Variants in SEPTIN7 observed in about 807,000 individuals in gnomAD.
The protein encoded by SEPTIN7 is septin-7.
SEPTIN7 carries 10 observed loss-of-function variants against 63.3 expected under a neutral mutation model. The observed-to-expected ratio is 0.16, with a 90% confidence interval of 0.10 to 0.27. SEPTIN7 has a LOEUF of 0.27. SEPTIN7 is among the 10% of genes least tolerant of loss of function. The pLI is 1.00. For synonymous variants in SEPTIN7, 131 were observed against 165.3 expected, an observed-to-expected ratio of 0.79 and a Z score of 1.59; for missense variants, 310 against 521.0, an observed-to-expected ratio of 0.59 and a Z score of 3.94.
chr7:35,829,877 G>T (rs993086260), intron 1 of SEPTIN7, among the ~76,000 whole-genome samples: 1 of 152,014 alleles, frequency 6.6e-6, no homozygotes, highest in Non-Finnish European at 1.5e-5. Flanking sequence ...CTTTTTGAAG[G>T]TGACATTTGA....
chr7:35,914,088 G>A, the SEPTIN7 span, among the ~76,000 whole-genome samples: 13 of 152,250 alleles, frequency 8.5e-5, no homozygotes, highest in Non-Finnish European at 1.2e-4. Context: ...AAGGAAATAC[G>A]TCTAAGCATA....
chr7:35,909,557 A>G (rs1035987040), downstream of SEPTIN7, among the ~76,000 whole-genome samples: 8 of 152,214 alleles, frequency 5.3e-5, no homozygotes, highest in African/African-American at 1.9e-4. Flanking sequence ...ACTGGGAAAA[A>G]TACCTGCCTA....
At chr7:35,813,147 C>A (rs1310704943) in intron 1 of SEPTIN7, among the ~76,000 whole-genome samples, 3 of 152,172 alleles carry the variant, frequency 2.0e-5, no homozygotes, top group Admixed American at 6.5e-5. Flanking sequence ...ATATCCTCAT[C>A]AAGATGTTAT....
At chr7:35,855,753 G>T (rs1785172436) in intron 3 of SEPTIN7, among the ~76,000 whole-genome samples, 1 of 152,108 alleles carries the variant, frequency 6.6e-6, no homozygotes. Flanking sequence ...TTATTTTTCT[G>T]TGTAGCCTTA....
chr7:35,880,582 A>G (rs1201244465), intron 7 of SEPTIN7, among the ~76,000 whole-genome samples: 1 of 151,836 alleles, frequency 6.6e-6, no homozygotes, highest in East Asian at 1.9e-4. Flanking sequence ...TATTACCCGT[A>G]TTTATTGATA....
At chr7:35,841,785 T>C (rs1784418138) in intron 3 of SEPTIN7, among the ~76,000 whole-genome samples, 3 of 152,190 alleles carry the variant, frequency 2.0e-5, no homozygotes, top group Non-Finnish European at 4.4e-5. Context: ...AGAAATGTAA[T>C]TCTCACATAG....
At chr7:35,852,156 A>G (rs1784996581) in intron 3 of SEPTIN7, among the ~76,000 whole-genome samples, 2 of 152,208 alleles carry the variant, frequency 1.3e-5, no homozygotes, top group African/African-American at 4.8e-5. Flanking sequence ...GTGCCAAGGT[A>G]TGATTCTAAT....
At chr7:35,880,445 A>C (rs1466106722) in intron 7 of SEPTIN7, among the ~76,000 whole-genome samples, 1 of 151,808 alleles carries the variant, frequency 6.6e-6, no homozygotes, top group Non-Finnish European at 1.5e-5. Context: ...AGTGGTAACC[A>C]ATCATTTCTT....
chr7:35,866,206 C>A (rs1321816801), intron 4 of SEPTIN7, among the ~76,000 whole-genome samples: 1 of 152,192 alleles, frequency 6.6e-6, no homozygotes, highest in Admixed American at 6.5e-5. Context: ...ATCATCTAAA[C>A]TCTTTTGCCC....
At chr7:35,845,547 G>T (rs536933211) in intron 3 of SEPTIN7, among the ~76,000 whole-genome samples, 1 of 152,142 alleles carries the variant, frequency 6.6e-6, no homozygotes, top group Non-Finnish European at 1.5e-5. Context: ...AAAGATGGTT[G>T]AGAATTTATT....
intron 10 of SEPTIN7, among the ~76,000 whole-genome samples, chr7:35,886,604 C>T (rs1234048532): frequency 1.1e-4 from 16 of 152,266 alleles, no homozygotes; most frequent in Admixed American, 2.6e-4. Context: ...TACCTGACTC[C>T]GCATTTCCCA....
intron 3 of SEPTIN7, among the ~76,000 whole-genome samples, chr7:35,844,209 T>C (rs1229393166): frequency 1.3e-5 from 2 of 152,224 alleles, no homozygotes; most frequent in Non-Finnish European, 2.9e-5. Flanking sequence ...TAATTACATT[T>C]AGTTGAATAA....
downstream of SEPTIN7, among the ~76,000 whole-genome samples, chr7:35,908,105 G>C (rs1032738886): frequency 1.3e-5 from 2 of 152,154 alleles, no homozygotes; most frequent in Non-Finnish European, 1.5e-5. Flanking sequence ...GGTCAAAAGA[G>C]GAAAGGTGTT....
At chr7:35,802,201 C>A (rs564527772) in intron 1 of SEPTIN7, 11 of 284,498 alleles carry the variant, frequency 3.9e-5, no homozygotes, top group South Asian at 3.0e-4. Flanking sequence ...TTTCCTCCCC[C>A]ACATGTTGGA....
intron 2 of SEPTIN7, chr7:35,831,855 T>G (rs908564064): frequency 3.5e-6 from 1 of 285,866 alleles, no homozygotes; most frequent in Non-Finnish European, 6.8e-6. Context: ...GAATTGATGT[T>G]TTGATCCCAT....
chr7:35,835,666 A>G (rs530638222), intron 3 of SEPTIN7, among the ~76,000 whole-genome samples: 2 of 152,304 alleles, frequency 1.3e-5, no homozygotes, highest in African/African-American at 2.4e-5. Context: ...AGAGAGAATG[A>G]ATGAGAATGA....
At chr7:35,902,560 T>C (rs1381639683) in intron 12 of SEPTIN7, 1 of 152,262 alleles carries the variant, frequency 6.6e-6, no homozygotes, top group African/African-American at 2.4e-5. Flanking sequence ...AGTACTTTGC[T>C]GGCATCTTTG....
At chr7:35,886,823 G>A (rs77603244) in intron 10 of SEPTIN7, among the ~76,000 whole-genome samples, 1 of 152,220 alleles carries the variant, frequency 6.6e-6, no homozygotes. Flanking sequence ...CATTCTCAAG[G>A]TGAGAAGTGA....
intron 11 of SEPTIN7, 65 bp downstream of exon 11, chr7:35,890,858 T>A: frequency 2.4e-6 from 3 of 1,271,814 alleles, no homozygotes; most frequent in Non-Finnish European, 3.0e-6. Flanking sequence ...ATTGTTTCAT[T>A]TTCATTAAAT....
Sources: allele counts gnomAD v4.1 joint callset (sites outside exome capture counted in the v4.1 genomes callset), GRCh38; gene constraint gnomAD v4.1.1; transcripts MANE v1.5; gene names NCBI Gene and HGNC (gene_info 2026-07-23, HGNC 2026-07-21).